HPSE2: variants seen among roughly 807,000 people sequenced by gnomAD.
HPSE2 encodes the protein inactive heparanase-2.
HPSE2 carries 38 observed loss-of-function variants against 60.5 expected under a neutral mutation model. That is an observed-to-expected ratio of 0.63 (90% confidence interval 0.48 to 0.82). HPSE2 has a LOEUF of 0.82. HPSE2 is among the 40% of genes least tolerant of loss of function. The pLI is 0.00. For missense variants in HPSE2, 713 were observed against 740.4 expected (o/e 0.96, Z 0.43); for synonymous variants, 295 against 293.2 (o/e 1.01, Z -0.06).
the HPSE2 span, among the ~76,000 whole-genome samples, chr10:99,251,052 C>T: frequency 6.6e-6 from 1 of 152,046 alleles, no homozygotes; most frequent in Non-Finnish European, 1.5e-5. Flanking sequence ...AAAGAATCAA[C>T]AGAAACAAAA....
intron 3 of HPSE2, among the ~76,000 whole-genome samples, chr10:98,851,357 C>A (rs564397553): frequency 1.3e-5 from 2 of 150,416 alleles, no homozygotes; most frequent in South Asian, 4.4e-4. Flanking sequence ...TCCCTTCTCA[C>A]TTATCCTTAA....
intron 3 of HPSE2, among the ~76,000 whole-genome samples, chr10:99,043,572 G>GA (rs1957790884): frequency 6.6e-6 from 1 of 152,128 alleles, no homozygotes; most frequent in South Asian, 2.1e-4. Context: ...TGGATGGCAA[G>GA]GAAGCTCATC....
intron 3 of HPSE2, among the ~76,000 whole-genome samples, chr10:99,021,519 C>G (rs1957262244): frequency 3.3e-5 from 5 of 151,788 alleles, no homozygotes; most frequent in Admixed American, 3.3e-4. Context: ...AGATATAGAG[C>G]GTCTCGCTAA....
chr10:99,119,065 GAGAA>G (rs1317804945), intron 3 of HPSE2, among the ~76,000 whole-genome samples: 11 of 121,530 alleles, frequency 9.1e-5, no homozygotes, highest in South Asian at 8.8e-4. Context: ...AAGAAAGAGA[GAGAA>G]AGAAAGAAAG....
chr10:98,974,285 GAA>G (rs531829764), intron 3 of HPSE2, among the ~76,000 whole-genome samples: 1 of 146,786 alleles, frequency 6.8e-6, no homozygotes, highest in Admixed American at 6.8e-5. Context: ...AGTGACTCTG[GAA>G]AAAAAAAAGA....
intron 5 of HPSE2, among the ~76,000 whole-genome samples, chr10:98,717,757 C>T (rs890000558): frequency 8.6e-5 from 13 of 152,002 alleles, no homozygotes; most frequent in African/African-American, 2.2e-4. Context: ...AATGAAAAAA[C>T]GTGAAATGTT....
intron 5 of HPSE2, among the ~76,000 whole-genome samples, chr10:98,702,386 A>G (rs1024055786): frequency 6.6e-6 from 1 of 152,210 alleles, no homozygotes; most frequent in Non-Finnish European, 1.5e-5. Context: ...CCCACTGTCA[A>G]TATTAGACAG....
the HPSE2 span, among the ~76,000 whole-genome samples, chr10:99,278,146 A>G: frequency 6.6e-6 from 1 of 151,848 alleles, no homozygotes; most frequent in Admixed American, 6.6e-5. Context: ...TAAATTAGGG[A>G]TAGAAGACTC....
chr10:98,801,893 G>A (rs1469315601), intron 3 of HPSE2, among the ~76,000 whole-genome samples: 1 of 151,924 alleles, frequency 6.6e-6, no homozygotes, highest in Non-Finnish European at 1.5e-5. Flanking sequence ...AACCTACCCT[G>A]GGCAAAAAGA....
At chr10:98,675,675 C>T (rs1947622159) in intron 6 of HPSE2, among the ~76,000 whole-genome samples, 1 of 151,836 alleles carries the variant, frequency 6.6e-6, no homozygotes. Flanking sequence ...CTACAGTGAA[C>T]TATGATTATG....
chr10:98,544,585 C>T (rs1486880466), intron 9 of HPSE2, among the ~76,000 whole-genome samples: 7 of 151,456 alleles, frequency 4.6e-5, no homozygotes, highest in Non-Finnish European at 8.9e-5. Context: ...TGGTGGCGGG[C>T]GCCTGTAGTC....
chr10:98,501,432 G>T (rs1212271636), intron 9 of HPSE2, among the ~76,000 whole-genome samples: 2 of 152,106 alleles, frequency 1.3e-5, no homozygotes, highest in Non-Finnish European at 2.9e-5. Flanking sequence ...CACATAAACA[G>T]AATTAAAAAC....
At chr10:98,672,603 A>T (rs1947535093) in intron 6 of HPSE2, among the ~76,000 whole-genome samples, 1 of 152,208 alleles carries the variant, frequency 6.6e-6, no homozygotes, top group Admixed American at 6.5e-5. Context: ...AATTCTCATC[A>T]AAGAGAGGAG....
intron 2 of HPSE2, among the ~76,000 whole-genome samples, chr10:99,186,937 C>A (rs899958780): frequency 1.3e-5 from 2 of 151,976 alleles, no homozygotes; most frequent in African/African-American, 2.4e-5. Flanking sequence ...CACACACTCC[C>A]ATGCCCAGCT....
intron 3 of HPSE2, among the ~76,000 whole-genome samples, chr10:99,059,014 T>G (rs1030438924): frequency 6.6e-6 from 1 of 152,272 alleles, no homozygotes; most frequent in Non-Finnish European, 1.5e-5. Flanking sequence ...TGAGCATGGC[T>G]GTGTTCCAAT....
intron 7 of HPSE2, among the ~76,000 whole-genome samples, chr10:98,633,661 CT>C (rs1194295140): frequency 6.6e-6 from 1 of 152,156 alleles, no homozygotes; most frequent in African/African-American, 2.4e-5. Context: ...AGTAAGGCTT[CT>C]GGTCAACAGC....
chr10:98,926,215 T>C (rs1369027099), intron 3 of HPSE2, among the ~76,000 whole-genome samples: 2 of 152,188 alleles, frequency 1.3e-5, no homozygotes, highest in African/African-American at 4.8e-5. Flanking sequence ...ATGCGTGCTA[T>C]TGGAAAATAC....
At chr10:98,687,216 C>T (rs1236675015) in intron 6 of HPSE2, among the ~76,000 whole-genome samples, 1 of 152,150 alleles carries the variant, frequency 6.6e-6, no homozygotes, top group East Asian at 1.9e-4. Context: ...TCTCACTGGC[C>T]TAAAATCAAA....
At chr10:99,289,366 G>A in the HPSE2 span, among the ~76,000 whole-genome samples, 2 of 149,242 alleles carry the variant, frequency 1.3e-5, no homozygotes, top group African/African-American at 4.9e-5. Flanking sequence ...TTTTTTTTTT[G>A]GAACTTTCTT....
Sources: gnomAD v4.1 joint callset for allele counts (sites outside exome capture counted in the v4.1 genomes callset) on GRCh38, gnomAD v4.1.1 for gene constraint, MANE v1.5 for transcripts, NCBI Gene and HGNC (gene_info 2026-07-23, HGNC 2026-07-21) for gene names.